The following CA1 variants were observed in gnomAD, a reference collection of about 807,000 sequenced individuals.
CA1 encodes carbonate dehydratase I.
Under a neutral mutation model 28.8 loss-of-function variants are expected in CA1, and 27 were observed. The ratio of observed to expected loss-of-function variants is 0.94; its 90% CI spans 0.69 to 1.29. CA1 has a LOEUF of 1.29. Ranked by LOEUF, CA1 falls within the 50% of genes most tolerant of loss-of-function variation. The pLI is 0.00. For synonymous variants in CA1, 121 were observed against 108.8 expected (o/e 1.11, Z -0.70); for missense variants, 335 against 310.5 (o/e 1.08, Z -0.59).
At chr8:85,357,722 G>A (rs746091861) in intron 1 of CA1, among the ~76,000 whole-genome samples, 1 of 152,182 alleles carries the variant, frequency 6.6e-6, no homozygotes, top group African/African-American at 2.4e-5. Flanking sequence ...TAGGCTGGAC[G>A]GGATAGCAAC....
At chr8:85,365,587 T>C (rs1246479506) in intron 1 of CA1, among the ~76,000 whole-genome samples, 3 of 152,226 alleles carry the variant, frequency 2.0e-5, no homozygotes, top group African/African-American at 7.2e-5. Flanking sequence ...TGGTAAATCA[T>C]TTTATGCACT....
intron 1 of CA1, among the ~76,000 whole-genome samples, chr8:85,346,781 A>G (rs1420875094): frequency 1.3e-5 from 2 of 152,140 alleles, no homozygotes; most frequent in African/African-American, 4.8e-5. Flanking sequence ...TAAATAAATA[A>G]TAAAATTCTG....
At chr8:85,351,000 C>G (rs1327395164) in intron 1 of CA1, among the ~76,000 whole-genome samples, 2 of 152,224 alleles carry the variant, frequency 1.3e-5, no homozygotes, top group Non-Finnish European at 2.9e-5. Context: ...AGTCCTCATA[C>G]AGTCCCCTGC....
intron 1 of CA1, among the ~76,000 whole-genome samples, chr8:85,372,275 C>T (rs1810257439): frequency 6.6e-6 from 1 of 151,970 alleles, no homozygotes. Context: ...CAGACGGCTA[C>T]TATGAAACAA....
chr8:85,330,620 C>A (rs987574135), intron 6 of CA1, among the ~76,000 whole-genome samples: 2 of 152,016 alleles, frequency 1.3e-5, no homozygotes, highest in African/African-American at 2.4e-5. Context: ...TTATCAAATT[C>A]AATAAGTTTT....
At chr8:85,357,817 A>T (rs1453256133) in intron 1 of CA1, among the ~76,000 whole-genome samples, 1 of 152,208 alleles carries the variant, frequency 6.6e-6, no homozygotes, top group Non-Finnish European at 1.5e-5. Context: ...AAGAACTTGC[A>T]TAGTGGGTTG....
chr8:85,347,218 A>T (rs187588720), intron 1 of CA1, among the ~76,000 whole-genome samples: 1 of 152,326 alleles, frequency 6.6e-6, no homozygotes, highest in African/African-American at 2.4e-5. Context: ...GTGGTTCCCA[A>T]TGTATGGTTT....
intron 2 of CA1, among the ~76,000 whole-genome samples, chr8:85,338,702 CTTT>C (rs1246308914): frequency 8.7e-6 from 1 of 114,852 alleles, no homozygotes; most frequent in Non-Finnish European, 1.8e-5. Context: ...CTCTCTCTCT[CTTT>C]CTTTCTCTCT....
intron 4 of CA1, among the ~76,000 whole-genome samples, chr8:85,334,543 C>T (rs1808557151): frequency 6.6e-6 from 1 of 152,084 alleles, no homozygotes; most frequent in South Asian, 2.1e-4. Flanking sequence ...ACAGTTCTAT[C>T]CATATCACTT....
chr8:85,331,139 TC>T (rs1808377838), intron 6 of CA1, among the ~76,000 whole-genome samples: 1 of 152,188 alleles, frequency 6.6e-6, no homozygotes, highest in Non-Finnish European at 1.5e-5. Context: ...TTTTAGGTTC[TC>T]AGTCTATTTA....
chr8:85,335,867 G>A (rs530929191), intron 4 of CA1, among the ~76,000 whole-genome samples: 1 of 152,246 alleles, frequency 6.6e-6, no homozygotes, highest in African/African-American at 2.4e-5. Flanking sequence ...ACAAGGTAAA[G>A]CAAGTTTTAT....
chr8:85,372,200 C>T (rs191982753), intron 1 of CA1, among the ~76,000 whole-genome samples: 12 of 152,070 alleles, frequency 7.9e-5, no homozygotes, highest in Admixed American at 3.3e-4. Flanking sequence ...AGTTCAGACG[C>T]GAGCACAGAG....
intron 1 of CA1, among the ~76,000 whole-genome samples, chr8:85,360,085 G>A (rs1196969869): frequency 1.3e-5 from 2 of 152,186 alleles, no homozygotes; most frequent in Non-Finnish European, 2.9e-5. Flanking sequence ...TTGAATCTTT[G>A]TTAGCCAGTC....
chr8:85,355,949 A>G (rs188231156), intron 1 of CA1, among the ~76,000 whole-genome samples: 2 of 152,104 alleles, frequency 1.3e-5, no homozygotes, highest in East Asian at 3.9e-4. Flanking sequence ...ATTTGACATA[A>G]TTCCCATGAC....
In CA1 at chr8:85,338,327, G is replaced by C; in HGVS notation, c.160C>G (p.Pro54Ala). Residue 54 changes from proline (P) to alanine (A), a missense_variant, in exon 3 of 8, where the codon CCA (proline) becomes GCA (alanine). Coordinates refer to ENST00000523022, the MANE Select transcript of CA1 (RefSeq NM_001128831.4). The stretch of plus-strand genomic sequence containing the variant: ...TTGATAATTTCTTTGGCTGTGGCTG[G>C]GTTGTAGGAGACACTAATAGGTTTC... ...SLKPISVSYN[P>A]ATAKEIINVG... 1 of 1,613,922 alleles carries C rather than the reference G, an allele frequency of 6.2e-7. No individual in the cohort carries two copies. Among genetic ancestry groups the C allele is most frequent in the African/African-American group, 1.3e-5 (1 of 75,032 alleles).
At position 85,341,667 on chromosome 8, in the gene CA1, C is replaced by CA; in HGVS notation, c.-24-9dup. On this transcript the variant is annotated splice_polypyrimidine_tract_variant and intron_variant, in intron 1 of 7. Transcript: ENST00000523022. ...CTACTGAGTTTTCTTTTTCTGAAAA[C>CA]AAAAATAATACCTGGAATAACTAAC... 4 of 1,457,070 alleles carry CA rather than the reference C, an allele frequency of 2.7e-6. No individual in the cohort carries two copies. Among genetic ancestry groups the CA allele is most frequent in the Non-Finnish European group, 3.9e-6 (4 of 1,037,452 alleles). The allele number at this position is 1,457,070 out of a possible 1,614,324, so 90.3% of individuals were successfully genotyped here. A position where few individuals can be genotyped will look rare whatever the true frequency, so the allele number is the denominator to read the frequency against.
intron 1 of CA1, among the ~76,000 whole-genome samples, chr8:85,355,264 G>A (rs927025279): frequency 2.6e-5 from 4 of 152,132 alleles, no homozygotes; most frequent in Non-Finnish European, 4.4e-5. Context: ...TGGTATACAC[G>A]AACACTGAGA....
intron 1 of CA1, among the ~76,000 whole-genome samples, chr8:85,361,685 C>T (rs1184360972): frequency 6.6e-6 from 1 of 152,056 alleles, no homozygotes; most frequent in Non-Finnish European, 1.5e-5. Flanking sequence ...CAGAGCAAGA[C>T]TCTGTCAAAA....
intron 1 of CA1, among the ~76,000 whole-genome samples, chr8:85,347,655 A>T (rs1477932923): frequency 6.6e-6 from 1 of 152,110 alleles, no homozygotes; most frequent in Non-Finnish European, 1.5e-5. Context: ...CTTAGACCTC[A>T]CATACTCCAT....
Sources: gnomAD v4.1 joint callset for allele counts (sites outside exome capture counted in the v4.1 genomes callset) on GRCh38, gnomAD v4.1.1 for gene constraint, MANE v1.5 for transcripts, NCBI Gene and HGNC (gene_info 2026-07-23, HGNC 2026-07-21) for gene names.